C12orf42: variants seen among roughly 807,000 people sequenced by gnomAD.
The protein encoded by C12orf42 is chromosome 12 open reading frame 42, also known as uncharacterized protein C12orf42.
Under a neutral mutation model 21.6 loss-of-function variants are expected in C12orf42, and 25 were observed. The observed-to-expected ratio is 1.16, with a 90% confidence interval of 0.84 to 1.62. C12orf42 has a LOEUF of 1.62. Ranked by LOEUF, C12orf42 falls within the 40% of genes most tolerant of loss-of-function variation. C12orf42 has a pLI of 0.00. For missense variants in C12orf42, 483 were observed against 459.3 expected (o/e 1.05, Z -0.47); for synonymous variants, 174 against 175.0 (o/e 0.99, Z 0.05).
the C12orf42 span, among the ~76,000 whole-genome samples, chr12:103,526,259 G>A: frequency 6.6e-6 from 1 of 152,128 alleles, no homozygotes; most frequent in Non-Finnish European, 1.5e-5. Context: ...GGCAAATAAA[G>A]CATTATTTGC....
the C12orf42 span, among the ~76,000 whole-genome samples, chr12:103,181,821 C>A: frequency 0.019 from 2,909 of 152,304 alleles, 35 homozygotes; most frequent in East Asian, 0.028. Flanking sequence ...CACCTCTACC[C>A]CTACCCTGTC....
intron 2 of C12orf42, among the ~76,000 whole-genome samples, chr12:103,457,712 A>G (rs920665486): frequency 4.6e-5 from 7 of 152,142 alleles, no homozygotes; most frequent in Admixed American, 3.9e-4. Context: ...AGGGACCTAC[A>G]ATTTTGTATT....
chr12:103,216,672 G>A, the C12orf42 span, among the ~76,000 whole-genome samples: 1 of 151,940 alleles, frequency 6.6e-6, no homozygotes, highest in African/African-American at 2.4e-5. Context: ...ACTTTTTTAA[G>A]ATCATTGAAG....
At chr12:103,379,121 T>C (rs2045945982) in intron 3 of C12orf42, among the ~76,000 whole-genome samples, 3 of 152,180 alleles carry the variant, frequency 2.0e-5, no homozygotes, top group Admixed American at 6.5e-5. Context: ...TCTGAGGTTT[T>C]ATATGTGATC....
chr12:103,324,996 C>A (rs1175445904), intron 4 of C12orf42, among the ~76,000 whole-genome samples: 1 of 152,158 alleles, frequency 6.6e-6, no homozygotes, highest in East Asian at 1.9e-4. Context: ...CGAAAATTAA[C>A]AAAAATGTGC....
the C12orf42 span, among the ~76,000 whole-genome samples, chr12:103,153,484 AAT>A: frequency 6.6e-6 from 1 of 152,186 alleles, no homozygotes; most frequent in African/African-American, 2.4e-5. Flanking sequence ...CAATTTTAAA[AAT>A]AGGCATTCCC....
intron 4 of C12orf42, among the ~76,000 whole-genome samples, chr12:103,295,386 G>A (rs1360207114): frequency 6.6e-6 from 1 of 151,712 alleles, no homozygotes; most frequent in Non-Finnish European, 1.5e-5. Flanking sequence ...TCATGGAATA[G>A]TTTGTAAATT....
the C12orf42 span, among the ~76,000 whole-genome samples, chr12:103,539,581 T>A: frequency 7.0e-6 from 1 of 142,282 alleles, no homozygotes; most frequent in Non-Finnish European, 1.5e-5. Context: ...TAAGTTTAAT[T>A]TTTTTTTTTT....
At chr12:103,553,340 A>G in the C12orf42 span, among the ~76,000 whole-genome samples, 12 of 152,286 alleles carry the variant, frequency 7.9e-5, no homozygotes, top group East Asian at 2.3e-3. Context: ...AAGAAGGCAT[A>G]TGACTCGCAG....
At chr12:103,251,804 T>C (rs1055805333) in intron 10 of C12orf42, among the ~76,000 whole-genome samples, 1 of 152,210 alleles carries the variant, frequency 6.6e-6, no homozygotes, top group African/African-American at 2.4e-5. Context: ...CTACGCACTG[T>C]ATTCACTGCA....
intron 2 of C12orf42, among the ~76,000 whole-genome samples, chr12:103,406,606 G>A (rs1362599234): frequency 1.3e-5 from 2 of 152,210 alleles, no homozygotes; most frequent in South Asian, 2.1e-4. Context: ...ATAGTTATTG[G>A]TTTGCCATTT....
the C12orf42 span, among the ~76,000 whole-genome samples, chr12:103,174,512 G>C: frequency 6.6e-6 from 1 of 152,064 alleles, no homozygotes. Context: ...GTAGAGAGAA[G>C]TATATTGCCC....
At chr12:103,331,320 T>C (rs962024540) in intron 4 of C12orf42, among the ~76,000 whole-genome samples, 3 of 152,166 alleles carry the variant, frequency 2.0e-5, no homozygotes, top group Non-Finnish European at 2.9e-5. Context: ...CACACCACCA[T>C]AAAGTCAAAA....
intron 2 of C12orf42, among the ~76,000 whole-genome samples, chr12:103,443,544 T>C (rs1181366748): frequency 6.6e-6 from 1 of 152,092 alleles, no homozygotes; most frequent in Non-Finnish European, 1.5e-5. Context: ...CCTCAGCAAT[T>C]CTGATTTTTG....
chr12:103,220,235 G>A, the C12orf42 span, among the ~76,000 whole-genome samples: 1 of 152,010 alleles, frequency 6.6e-6, no homozygotes, highest in East Asian at 1.9e-4. Flanking sequence ...ACAGGGAGGG[G>A]AACATCTCAC....
At chr12:103,083,168 C>T in the C12orf42 span, among the ~76,000 whole-genome samples, 4 of 152,184 alleles carry the variant, frequency 2.6e-5, no homozygotes, top group African/African-American at 9.6e-5. Context: ...AGTTTGAGGC[C>T]AACCTGACCA....
At chr12:103,227,167 G>A in the C12orf42 span, among the ~76,000 whole-genome samples, 8 of 152,156 alleles carry the variant, frequency 5.3e-5, no homozygotes, top group African/African-American at 1.4e-4. Context: ...CCATAGTGAA[G>A]GAAGCAAGCC....
the C12orf42 span, among the ~76,000 whole-genome samples, chr12:103,508,675 A>T: frequency 6.6e-6 from 1 of 152,194 alleles, no homozygotes; most frequent in East Asian, 1.9e-4. Context: ...TGGAAATTAC[A>T]GTTACTTATA....
rs199701137 is a variant in C12orf42 at position 103,306,222 on chromosome 12, C to A, written c.383G>T (p.Arg128Leu). Residue 128 changes from arginine to leucine, a missense_variant, in exon 5 of 6, where the codon CGT becomes CTT. Coordinates refer to ENST00000548883, the MANE Select transcript of C12orf42 (RefSeq NM_198521.5). ...SFDEESYEEFRSSPAPSSETD... is the reference protein window; with the variant it reads ...SFDEESYEEFLSSPAPSSETD... The stretch of plus-strand genomic sequence containing the variant: ...TTCACTGGATGGTGCTGGAGAGGAA[C>A]GGAATTCTTCATAGCTTTCTTCATC... 4.3e-6 allele frequency: 7 copies of A among 1,613,754 alleles called. No homozygotes were observed. The South Asian group carries it at 6.6e-5, about 15-fold the overall frequency.
Sources: gnomAD v4.1 joint callset for allele counts (sites outside exome capture counted in the v4.1 genomes callset) on GRCh38, gnomAD v4.1.1 for gene constraint, MANE v1.5 for transcripts, NCBI Gene and HGNC (gene_info 2026-07-23, HGNC 2026-07-21) for gene names.